The following BCL11B variants were observed in gnomAD, a reference collection of about 807,000 sequenced individuals.
BCL11B encodes the protein B-cell lymphoma/leukemia 11B.
A neutral mutation model predicts 49.9 loss-of-function variants in BCL11B; 8 were observed. That is an observed-to-expected ratio of 0.16 (90% confidence interval 0.09 to 0.29). The LOEUF (loss-of-function observed/expected upper bound fraction) is 0.29, where lower values mean the gene tolerates loss of function less well. Among genes scored for constraint, BCL11B ranks in the 10% least tolerant of loss-of-function variants. BCL11B has a pLI of 1.00. For synonymous variants in BCL11B, 739 were observed against 637.4 expected, an observed-to-expected ratio of 1.16 and a Z score of -2.40; for missense variants, 1,006 against 1,351.0, an observed-to-expected ratio of 0.74 and a Z score of 4.00.
chr14:99,220,740 A>T (rs931916084), intron 3 of BCL11B, among the ~76,000 whole-genome samples: 1 of 152,230 alleles, frequency 6.6e-6, no homozygotes, highest in Non-Finnish European at 1.5e-5. Context: ...TCTAATGTTT[A>T]TCTTACCACA....
rs1343648014 is a variant in BCL11B, at chr14:99,170,749, A to G, written c.*3402T>C. The G allele has an allele frequency of 4.3e-6, 1 of 233,154 alleles. No homozygotes were observed. Among genetic ancestry groups the G allele is most frequent in the Non-Finnish European group, 8.5e-6 (1 of 117,802 alleles). The allele number at this position is 233,154 out of a possible 1,614,324, so 14.4% of individuals were successfully genotyped here. ...CAGGGAAGAAAGACAAGAGGCCAAC[A>G]CTCTCCATGGCACGAAAGGTCCTGG... On this transcript the variant is annotated 3_prime_UTR_variant, in exon 4 of 4. Transcript: ENST00000357195.
At position 99,248,460 on chromosome 14, in the gene BCL11B, C is replaced by G. The variant is rs901704990; in HGVS notation, c.427+9011G>C. ...TGGGCCAGGGTGGGTCCAGATCTTG[C>G]AGGGCCCGAGGTTTATACAATTCAG... On this transcript the variant is annotated intron_variant, in intron 2 of 3. Transcript: ENST00000357195. This position sits in a 1 kb window ranked among gnomAD's most constrained non-coding sequence, Gnocchi z 4.7. 1.3e-5 allele frequency among the ~76,000 whole-genome samples: 2 copies of G among 152,060 alleles called. No individual in the cohort carries two copies. The highest frequency in any genetic ancestry group is 4.8e-5 in the African/African-American group (2 of 41,370).
At chr14:99,211,022 T>C (rs753110601) in intron 3 of BCL11B, among the ~76,000 whole-genome samples, 17 of 152,176 alleles carry the variant, frequency 1.1e-4, no homozygotes, top group Middle Eastern at 3.4e-3. Flanking sequence ...ACAATGATCA[T>C]AATAATAAGA....
At chr14:99,249,896 G>A (rs1888954763) in intron 2 of BCL11B, among the ~76,000 whole-genome samples, 1 of 152,156 alleles carries the variant, frequency 6.6e-6, no homozygotes, top group South Asian at 2.1e-4. Context: ...GGGAGGCCGA[G>A]GCGGGTGGAT....
At chr14:99,261,559 C>G (rs1482837506) in intron 1 of BCL11B, among the ~76,000 whole-genome samples, 1 of 152,144 alleles carries the variant, frequency 6.6e-6, no homozygotes, top group African/African-American at 2.4e-5. Flanking sequence ...CTTTCAAATT[C>G]CCAGACCCTA....
At chr14:99,226,358 T>C (rs1888161458) in intron 3 of BCL11B, among the ~76,000 whole-genome samples, 1 of 152,106 alleles carries the variant, frequency 6.6e-6, no homozygotes, top group Non-Finnish European at 1.5e-5. Context: ...CACGGTTCTT[T>C]TTTTGTCTTC....
intron 3 of BCL11B, among the ~76,000 whole-genome samples, chr14:99,188,182 C>T (rs1886912802): frequency 6.6e-6 from 1 of 152,100 alleles, no homozygotes; most frequent in Admixed American, 6.5e-5. Context: ...AAGGTTATTC[C>T]CTTGTTCTGA....
intron 2 of BCL11B, among the ~76,000 whole-genome samples, chr14:99,235,827 G>A (rs1244538167): frequency 6.6e-6 from 1 of 151,616 alleles, no homozygotes; most frequent in East Asian, 2.0e-4. Flanking sequence ...TTCTTGCATT[G>A]TTGATTTTTT....
Position 99,218,956 on chromosome 14 carries a change from G to A in BCL11B, c.640+12389C>T, listed in dbSNP as rs530452354. ...GTGTGCCCACAGAGGCAGGGAATCA[G>A]GGAGCACGGCCCTGCCGACCCCTCC... On this transcript the variant is annotated intron_variant, in intron 3 of 3. Coordinates refer to ENST00000357195, the MANE Select transcript of BCL11B (RefSeq NM_138576.4). Among the ~76,000 whole-genome samples the A allele has an allele frequency of 2.0e-5, 3 of 152,338 alleles. No homozygotes were observed. The South Asian group carries it at 6.2e-4, about 32-fold the overall frequency.
At position 99,228,751 on chromosome 14, in the gene BCL11B, C is replaced by T. The variant is rs1292526619; in HGVS notation, c.640+2594G>A. ...AAATCCCACCTCCACCACTCCCTCC[C>T]TCCCTGCTCCTCCTTCCCCTTCTGC... On this transcript the variant is annotated intron_variant, in intron 3 of 3. Transcript: ENST00000357195. This position sits in a 1 kb window ranked among gnomAD's most constrained non-coding sequence, Gnocchi z 4.8. Among the ~76,000 whole-genome samples the T allele has an allele frequency of 6.6e-6, 1 of 152,244 alleles. No individual in the cohort carries two copies. Among genetic ancestry groups the T allele is most frequent in the African/African-American group, 2.4e-5 (1 of 41,462 alleles).
chr14:99,259,982 C>T (rs553032946), intron 1 of BCL11B, among the ~76,000 whole-genome samples: 1 of 152,236 alleles, frequency 6.6e-6, no homozygotes, highest in East Asian at 1.9e-4. Context: ...GAAAAGCTCG[C>T]ACCTTTAATT....
chr14:99,217,395 C>CACATACAGACACACACACACATACAG (rs756838224), intron 3 of BCL11B, among the ~76,000 whole-genome samples: 2 of 150,622 alleles, frequency 1.3e-5, no homozygotes, highest in African/African-American at 2.4e-5. Context: ...GACACACACA[C>CACATACAGACACACACACACATACAG]ACACACACAC....
intron 3 of BCL11B, among the ~76,000 whole-genome samples, chr14:99,223,396 T>C (rs1334346414): frequency 8.5e-5 from 13 of 152,054 alleles, no homozygotes; most frequent in African/African-American, 3.1e-4. Flanking sequence ...GTGGAGAGGG[T>C]AGGGTGGTGG....
chr14:99,270,299 CT>C (rs968473375), intron 1 of BCL11B, among the ~76,000 whole-genome samples: 1 of 151,844 alleles, frequency 6.6e-6, no homozygotes, highest in African/African-American at 2.4e-5. Context: ...GATGGGTCTC[CT>C]TTTTTTCTTT....
chr14:99,222,329 CA>C (rs544100429), intron 3 of BCL11B, among the ~76,000 whole-genome samples: 123 of 152,282 alleles, frequency 8.1e-4, no homozygotes, highest in Non-Finnish European at 1.5e-3. Flanking sequence ...ATGTGGCTAG[CA>C]GCGTTTTCTG....
intron 3 of BCL11B, among the ~76,000 whole-genome samples, chr14:99,220,530 G>C (rs935362852): frequency 6.6e-6 from 1 of 152,198 alleles, no homozygotes; most frequent in African/African-American, 2.4e-5. Flanking sequence ...AAGGAACCTA[G>C]AGTAGTCACA....
At chr14:99,199,644 G>C (rs868770278) in intron 3 of BCL11B, among the ~76,000 whole-genome samples, 1,720 of 56,876 alleles carry the variant, frequency 0.03, 23 homozygotes, top group Non-Finnish European at 0.035. Flanking sequence ...TAAATGCTGT[G>C]TGTGTGTGTG....
chr14:99,179,004 A>C (rs910511541), intron 3 of BCL11B, among the ~76,000 whole-genome samples: 1 of 152,202 alleles, frequency 6.6e-6, no homozygotes, highest in Non-Finnish European at 1.5e-5. Context: ...GCTGGTGAGG[A>C]AAGAACATGG....
At chr14:99,230,768 A>G (rs1159069599) in intron 3 of BCL11B, among the ~76,000 whole-genome samples, 1 of 151,960 alleles carries the variant, frequency 6.6e-6, no homozygotes, top group Non-Finnish European at 1.5e-5. Flanking sequence ...GCAGGTACTC[A>G]GCCCCCGCCC....
Sources: gnomAD v4.1 joint callset for allele counts (sites outside exome capture counted in the v4.1 genomes callset) on GRCh38, gnomAD v4.1.1 for gene constraint, Gnocchi (gnomAD v3.1) non-coding constraint, MANE v1.5 for transcripts, NCBI Gene and HGNC (gene_info 2026-07-23, HGNC 2026-07-21) for gene names.